CRPPA: variants seen among roughly 807,000 people sequenced by gnomAD.
The protein encoded by CRPPA is D-ribitol-5-phosphate cytidylyltransferase.
Under a neutral mutation model 52.0 loss-of-function variants are expected in CRPPA, and 43 were observed. That is an observed-to-expected ratio of 0.83 (90% CI 0.65 to 1.07). The LOEUF (loss-of-function observed/expected upper bound fraction) is 1.07, where lower values mean the gene tolerates loss of function less well. Ranked by LOEUF, CRPPA falls within the 50% of genes least tolerant of loss-of-function variation. The probability of loss-of-function intolerance (pLI) is 0.00; values close to 1 mark genes in which losing one functional copy is unlikely to be tolerated. For synonymous variants in CRPPA, 250 were observed against 203.5 expected, an observed-to-expected ratio of 1.23 and a Z score of -1.94; for missense variants, 629 against 551.7, an observed-to-expected ratio of 1.14 and a Z score of -1.40.
At chr7:16,287,528 T>C (rs756740642) in intron 5 of CRPPA, among the ~76,000 whole-genome samples, 11 of 152,182 alleles carry the variant, frequency 7.2e-5, no homozygotes, top group Admixed American at 4.6e-4. Flanking sequence ...TACCCACCAG[T>C]ATACCTCAGA....
At chr7:16,400,627 G>A (rs966873648) in intron 2 of CRPPA, among the ~76,000 whole-genome samples, 6 of 152,118 alleles carry the variant, frequency 3.9e-5, no homozygotes, top group Admixed American at 2.6e-4. Context: ...GACATGATGT[G>A]ATCGAGTCAT....
chr7:16,186,596 T>C (rs1415394923), intron 9 of CRPPA, among the ~76,000 whole-genome samples: 5 of 152,234 alleles, frequency 3.3e-5, no homozygotes, highest in Admixed American at 2.6e-4. Context: ...GGTTGATACA[T>C]TTATTATTTT....
At chr7:16,391,394 T>A (rs1171584911) in intron 2 of CRPPA, among the ~76,000 whole-genome samples, 1 of 152,070 alleles carries the variant, frequency 6.6e-6, no homozygotes, top group Non-Finnish European at 1.5e-5. Context: ...CCACCCATCC[T>A]CCCTCTGAGA....
At chr7:16,190,395 G>C (rs1184793113) in intron 9 of CRPPA, among the ~76,000 whole-genome samples, 1 of 152,180 alleles carries the variant, frequency 6.6e-6, no homozygotes, top group Non-Finnish European at 1.5e-5. Flanking sequence ...AACGAATTAA[G>C]TATGGTAAAT....
chr7:16,399,866 G>A (rs1787754194), intron 2 of CRPPA, among the ~76,000 whole-genome samples: 1 of 151,618 alleles, frequency 6.6e-6, no homozygotes, highest in African/African-American at 2.4e-5. Context: ...ATTGACACAT[G>A]ACTAACACGT....
chr7:16,265,078 G>C (rs1783917899), intron 6 of CRPPA, among the ~76,000 whole-genome samples: 1 of 152,166 alleles, frequency 6.6e-6, no homozygotes, highest in African/African-American at 2.4e-5. Context: ...CTCGTAGAAG[G>C]CTTTAAGGAA....
chr7:16,115,561 A>G lies in CRPPA; in HGVS notation c.1252-23762T>C, dbSNP rs1283495658. Among the ~76,000 whole-genome samples the G allele has an allele frequency of 2.0e-5, 3 of 152,176 alleles. No homozygotes were observed. In the East Asian group the frequency reaches 5.8e-4, roughly 29 times the overall value. ...TACAAATTGTGACATGCAAGGTGCA[A>G]TGAGCACCCTTAGTGCTCAGGATCT... On this transcript the variant is annotated intron_variant, in intron 9 of 9. Coordinates refer to ENST00000407010, the MANE Select transcript of CRPPA (RefSeq NM_001101426.4).
chr7:16,312,666 G>A (rs2128425644), intron 3 of CRPPA, among the ~76,000 whole-genome samples: 1 of 152,026 alleles, frequency 6.6e-6, no homozygotes, highest in Non-Finnish European at 1.5e-5. Flanking sequence ...CCTTGTTCTT[G>A]ACCTTACCAG....
At chr7:16,126,260 T>C (rs1048111291) in intron 9 of CRPPA, among the ~76,000 whole-genome samples, 2 of 152,178 alleles carry the variant, frequency 1.3e-5, no homozygotes, top group Non-Finnish European at 2.9e-5. Flanking sequence ...TTATCTACTG[T>C]CTAATGAAAT....
At chr7:16,170,195 ATTC>A (rs986641463) in intron 9 of CRPPA, among the ~76,000 whole-genome samples, 2 of 152,138 alleles carry the variant, frequency 1.3e-5, no homozygotes, top group African/African-American at 4.8e-5. Context: ...ATTTGCCCAT[ATTC>A]TTCTGTTTCT....
intron 9 of CRPPA, among the ~76,000 whole-genome samples, chr7:16,123,051 T>C (rs376863118): frequency 4.6e-5 from 7 of 152,186 alleles, no homozygotes; most frequent in Middle Eastern, 3.4e-3. Context: ...AGGCACATTT[T>C]AGGTATGAGG....
intron 2 of CRPPA, among the ~76,000 whole-genome samples, chr7:16,400,573 TTG>T (rs1036823976): frequency 1.3e-4 from 20 of 152,276 alleles, no homozygotes; most frequent in African/African-American, 3.9e-4. Flanking sequence ...ACTGACACAT[TTG>T]TGACACACAA....
intron 3 of CRPPA, 100 bp from the exon 4 acceptor site, chr7:16,308,727 T>C: frequency 2.8e-6 from 2 of 722,184 alleles, no homozygotes; most frequent in East Asian, 2.7e-5. Flanking sequence ...AGGAAGGGCC[T>C]AGGGGGCTCA....
intron 9 of CRPPA, among the ~76,000 whole-genome samples, chr7:16,131,951 C>T (rs2128373117): frequency 6.6e-6 from 1 of 152,232 alleles, no homozygotes; most frequent in South Asian, 2.1e-4. Flanking sequence ...CGGTATAGGA[C>T]CGAAGCCAGT....
intron 9 of CRPPA, chr7:16,210,713 G>T (rs1458483610): frequency 6.6e-6 from 1 of 152,112 alleles, no homozygotes; most frequent in African/African-American, 2.4e-5. Context: ...TAAATGTTGG[G>T]TTATATAGTA....
chr7:16,301,785 C>T (rs769987646), intron 4 of CRPPA, among the ~76,000 whole-genome samples: 4 of 151,888 alleles, frequency 2.6e-5, no homozygotes, highest in South Asian at 2.1e-4. Context: ...TGCATAAAAA[C>T]GAGGTTTTAT....
At chr7:16,216,359 G>A (rs1357971432) in intron 8 of CRPPA, 162 bp from the exon 9 acceptor site, 6 of 496,380 alleles carry the variant, frequency 1.2e-5, no homozygotes, top group African/African-American at 2.0e-5. Flanking sequence ...ACTTAAGATC[G>A]ATGAATCCTC....
rs1421227298 is a variant in CRPPA at position 16,088,062 on chromosome 7, T to C, written c.*3633A>G. ...CTGAGAGAATATAGGGAGCTGACTCTTACCTGTAAATGAGTATACTTGCAA... is the reference window on the plus strand; with the variant it reads ...CTGAGAGAATATAGGGAGCTGACTCCTACCTGTAAATGAGTATACTTGCAA... On this transcript the variant is annotated 3_prime_UTR_variant, in exon 10 of 10. Transcript: ENST00000407010. 2.0e-5 allele frequency: 3 copies of C among 152,154 alleles called. No homozygotes were observed. Among genetic ancestry groups the C allele is most frequent in the Non-Finnish European group, 4.4e-5 (3 of 68,024 alleles). The allele number at this position is 152,154 out of a possible 1,614,324, so 9.4% of individuals were successfully genotyped here.
At chr7:16,372,087 G>C (rs1055132726) in intron 3 of CRPPA, among the ~76,000 whole-genome samples, 1 of 152,158 alleles carries the variant, frequency 6.6e-6, no homozygotes, top group Non-Finnish European at 1.5e-5. Context: ...TGGTGTGCCT[G>C]AGGGAGAAAT....
Sources: allele counts gnomAD v4.1 joint callset (sites outside exome capture counted in the v4.1 genomes callset), GRCh38; gene constraint gnomAD v4.1.1; transcripts MANE v1.5; gene names NCBI Gene and HGNC (gene_info 2026-07-23, HGNC 2026-07-21).